SH3RF1: variants seen among roughly 807,000 people sequenced by gnomAD.
SH3RF1 encodes SH3 domain containing ring finger 1.
Under a neutral mutation model 74.0 loss-of-function variants are expected in SH3RF1, and 32 were observed. The observed-to-expected ratio is 0.43, with a 90% confidence interval of 0.33 to 0.58. The LOEUF is 0.58. SH3RF1 is among the 20% of genes least tolerant of loss of function. The pLI, the probability that SH3RF1 is intolerant of heterozygous loss-of-function variation, is 0.05. For synonymous variants in SH3RF1, 396 were observed against 439.6 expected, an observed-to-expected ratio of 0.90 and a Z score of 1.24; for missense variants, 954 against 1,130.9, an observed-to-expected ratio of 0.84 and a Z score of 2.24.
chr4:169,197,174 G>C (rs1053876001), intron 2 of SH3RF1, among the ~76,000 whole-genome samples: 6 of 151,410 alleles, frequency 4.0e-5, no homozygotes, highest in African/African-American at 1.5e-4. Context: ...TCTAATTTTT[G>C]TATTTTTAGT....
chr4:169,106,677 A>G (rs1352033894), intron 11 of SH3RF1, among the ~76,000 whole-genome samples, 170 bp downstream of exon 11: 1 of 152,178 alleles, frequency 6.6e-6, no homozygotes, highest in Non-Finnish European at 1.5e-5. Flanking sequence ...AAAAAGGAAA[A>G]CAGAGTATGT....
chr4:169,202,623 A>AC (rs1044992280), intron 2 of SH3RF1, among the ~76,000 whole-genome samples: 3 of 152,246 alleles, frequency 2.0e-5, no homozygotes, highest in African/African-American at 7.2e-5. Flanking sequence ...GTAAATACCT[A>AC]CCTTCAGAAA....
chr4:169,165,510 C>T (rs1024738592), intron 2 of SH3RF1, among the ~76,000 whole-genome samples: 1 of 151,804 alleles, frequency 6.6e-6, no homozygotes, highest in African/African-American at 2.4e-5. Context: ...GGTGAAACCC[C>T]ATCTCTTAAA....
intron 11 of SH3RF1, among the ~76,000 whole-genome samples, chr4:169,097,879 G>A (rs1459714344): frequency 1.3e-5 from 2 of 152,186 alleles, no homozygotes; most frequent in Non-Finnish European, 2.9e-5. Flanking sequence ...CAGGAAAACT[G>A]GCTGCCATGT....
intron 2 of SH3RF1, among the ~76,000 whole-genome samples, chr4:169,184,731 ATTTT>A (rs1397071782): frequency 5.9e-5 from 9 of 152,112 alleles, no homozygotes; most frequent in African/African-American, 2.2e-4. Flanking sequence ...TTATTTATTT[ATTTT>A]TTGCACACTG....
intron 2 of SH3RF1, among the ~76,000 whole-genome samples, chr4:169,259,171 C>CA (rs1345586078): frequency 2.6e-5 from 4 of 151,854 alleles, no homozygotes; most frequent in Non-Finnish European, 5.9e-5. Flanking sequence ...TTTTTTCTGG[C>CA]AAAAAATAAT....
chr4:169,203,366 C>T (rs575676775), intron 2 of SH3RF1, among the ~76,000 whole-genome samples: 1 of 152,134 alleles, frequency 6.6e-6, no homozygotes, highest in East Asian at 1.9e-4. Context: ...GCCTGGGCAA[C>T]ATGGTGAAAC....
chr4:169,217,750 A>C (rs1730490472), intron 2 of SH3RF1, among the ~76,000 whole-genome samples: 1 of 152,136 alleles, frequency 6.6e-6, no homozygotes, highest in African/African-American at 2.4e-5. Flanking sequence ...AGCTAAAAAA[A>C]CTCTATAGAT....
At chr4:169,227,658 G>A (rs1469670455) in intron 2 of SH3RF1, among the ~76,000 whole-genome samples, 1 of 152,132 alleles carries the variant, frequency 6.6e-6, no homozygotes. Context: ...CTACCATACT[G>A]ATCTACAATT....
chr4:169,181,551 G>A (rs756192032), intron 2 of SH3RF1, among the ~76,000 whole-genome samples: 8 of 151,910 alleles, frequency 5.3e-5, no homozygotes, highest in Non-Finnish European at 8.8e-5. Flanking sequence ...GTGAGCCACC[G>A]CGCCAGCCCT....
intron 2 of SH3RF1, among the ~76,000 whole-genome samples, chr4:169,174,679 T>C (rs973726229): frequency 2.0e-5 from 3 of 152,184 alleles, no homozygotes; most frequent in African/African-American, 7.2e-5. Flanking sequence ...ACACAAGCCA[T>C]TCTCAACCCT....
intron 2 of SH3RF1, among the ~76,000 whole-genome samples, chr4:169,195,996 T>G (rs762598303): frequency 3.3e-5 from 5 of 152,148 alleles, no homozygotes; most frequent in Non-Finnish European, 4.4e-5. Flanking sequence ...ATATTTTTAG[T>G]AGAGACAGGT....
In SH3RF1 at chr4:169,116,530, G is replaced by A; in HGVS notation, c.1878C>T (p.His626=). 5.6e-6 allele frequency: 9 copies of A among 1,613,008 alleles called. No homozygotes were observed. Among genetic ancestry groups the A allele is most frequent in the South Asian group, 1.1e-5 (1 of 90,770 alleles). ...LSPASVGLSH[H]SLASPQPAPL... ...GCGCAGGTTGTGGGGAGGCCAGCGA[G>A]TGATGGGACAGGCCCACAGATGCAG... Residue 626 remains histidine, a synonymous_variant, in exon 10 of 12, where the codon CAC becomes CAT. Transcript: ENST00000284637.
rs1163295882 is a variant in SH3RF1, at chr4:169,140,161, T to G, written c.766-3541A>C. On this transcript the variant is annotated intron_variant, in intron 4 of 11. Coordinates refer to ENST00000284637, the MANE Select transcript of SH3RF1 (RefSeq NM_020870.4). ...GAGAAAATCATAAAGTTAAGACTAT[T>G]TGGTAGAGGCATTAAGTAAATCAGG... 2.6e-5 allele frequency among the ~76,000 whole-genome samples: 4 copies of G among 152,236 alleles called. No individual in the cohort carries two copies. In the East Asian group the frequency reaches 7.7e-4, roughly 29 times the overall value.
intron 2 of SH3RF1, among the ~76,000 whole-genome samples, chr4:169,168,494 A>T (rs1734280187): frequency 6.6e-6 from 1 of 152,234 alleles, no homozygotes; most frequent in Admixed American, 6.5e-5. Flanking sequence ...ACTGAGATGT[A>T]TTAGTACAGC....
At chr4:169,170,329 G>A (rs578195576) in intron 2 of SH3RF1, among the ~76,000 whole-genome samples, 23 of 152,190 alleles carry the variant, frequency 1.5e-4, no homozygotes, top group South Asian at 4.1e-4. Context: ...GAGCCCATGC[G>A]TGCACCTGAG....
At chr4:169,197,056 A>G (rs1734824905) in intron 2 of SH3RF1, among the ~76,000 whole-genome samples, 1 of 152,056 alleles carries the variant, frequency 6.6e-6, no homozygotes, top group South Asian at 2.1e-4. Context: ...TCCAGGCTGG[A>G]GAGCAGTGGC....
At chr4:169,112,729 G>C (rs1445804404) in intron 10 of SH3RF1, among the ~76,000 whole-genome samples, 1 of 152,126 alleles carries the variant, frequency 6.6e-6, no homozygotes, top group Non-Finnish European at 1.5e-5. Flanking sequence ...ATTCAAGAAG[G>C]CTTAAAGATC....
chr4:169,179,098 T>G (rs1349072302), intron 2 of SH3RF1, among the ~76,000 whole-genome samples: 1 of 152,114 alleles, frequency 6.6e-6, no homozygotes, highest in Admixed American at 6.6e-5. Context: ...GATGGAAAGA[T>G]TATCCTGGCT....
Sources: gnomAD v4.1 joint callset for allele counts (sites outside exome capture counted in the v4.1 genomes callset) on GRCh38, gnomAD v4.1.1 for gene constraint, MANE v1.5 for transcripts, NCBI Gene and HGNC (gene_info 2026-07-23, HGNC 2026-07-21) for gene names.